Variants in EML1 observed in about 807,000 individuals in gnomAD.
EML1 encodes the protein echinoderm microtubule-associated protein-like 1.
In EML1, 27 loss-of-function variants were observed where a neutral mutation model predicts 110.4. The ratio of observed to expected loss-of-function variants is 0.24; its 90% CI spans 0.18 to 0.34. The LOEUF (loss-of-function observed/expected upper bound fraction) is 0.34, where lower values mean the gene tolerates loss of function less well. Among genes scored for constraint, EML1 ranks in the 10% least tolerant of loss-of-function variants. EML1 has a pLI of 1.00. For missense variants in EML1, 741 were observed against 1,030.9 expected (o/e 0.72, Z 3.85); for synonymous variants, 344 against 385.8 (o/e 0.89, Z 1.27).
intron 9 of EML1, among the ~76,000 whole-genome samples, chr14:99,903,164 A>C (rs1293908970): frequency 6.6e-6 from 1 of 152,248 alleles, no homozygotes; most frequent in Non-Finnish European, 1.5e-5. Flanking sequence ...TAAATAGCTC[A>C]AAAGAAAAGT....
intron 1 of EML1, among the ~76,000 whole-genome samples, chr14:99,796,909 A>ATGTGTGTG (rs369237790): frequency 2.0e-4 from 28 of 142,676 alleles, no homozygotes; most frequent in African/African-American, 7.1e-4. Context: ...TTGTGTGTGT[A>ATGTGTGTG]TGTGTGTGTG....
Position 99,874,190 on chromosome 14 carries a change from G to A in EML1, c.384-4295G>A, listed in dbSNP as rs114678970. On this transcript the variant is annotated intron_variant, in intron 3 of 21. Coordinates refer to ENST00000262233, the MANE Select transcript of EML1 (RefSeq NM_004434.3). ...TTTTCTTATGGTCACCAGTCTCCCT[G>A]CAGAAATTTTATTATGTCTAAAGTG... Among the ~76,000 whole-genome samples the A allele has an allele frequency of 3.4e-3, 513 of 152,278 alleles. 5 individuals carry two copies. Among genetic ancestry groups the A allele is most frequent in the African/African-American group, 0.012 (490 of 41,550 alleles).
chr14:99,914,706 G>A lies in EML1; in HGVS notation c.1752+9G>A, dbSNP rs1453218162. On this transcript the variant is annotated intron_variant, in intron 15 of 21. Coordinates refer to ENST00000262233, the MANE Select transcript of EML1 (RefSeq NM_004434.3). ...GGGACAAAATAATAGAGGTAAACAT[G>A]CACATTACATTTCCATTTTTCTTAC... The A allele has an allele frequency of 7.5e-6, 12 of 1,596,378 alleles. No individual in the cohort carries two copies. The highest frequency in any genetic ancestry group is 1.3e-5 in the African/African-American group (1 of 74,076).
chr14:99,873,755 G>T (rs929594926), intron 3 of EML1, among the ~76,000 whole-genome samples: 1 of 152,238 alleles, frequency 6.6e-6, no homozygotes, highest in Middle Eastern at 3.2e-3. Flanking sequence ...GACAGTGAAA[G>T]ATATGAGCAT....
intron 19 of EML1, among the ~76,000 whole-genome samples, chr14:99,937,045 T>G (rs2060486862): frequency 6.6e-6 from 1 of 152,184 alleles, no homozygotes; most frequent in South Asian, 2.1e-4. Flanking sequence ...CTTTCTGGCT[T>G]GGCCGCATGA....
chr14:99,764,525 G>T (rs1186811625), intron 1 of EML1, among the ~76,000 whole-genome samples: 1 of 152,260 alleles, frequency 6.6e-6, no homozygotes. Flanking sequence ...GATGCTGCTG[G>T]TCTCAAGAGC....
chr14:99,926,819 C>T (rs2060242746), intron 17 of EML1, among the ~76,000 whole-genome samples: 1 of 152,020 alleles, frequency 6.6e-6, no homozygotes, highest in Non-Finnish European at 1.5e-5. Flanking sequence ...TCTCAGCTCA[C>T]TGCAACCTCT....
chr14:99,888,534 G>A (rs1021613805), intron 4 of EML1, among the ~76,000 whole-genome samples: 8 of 152,240 alleles, frequency 5.3e-5, no homozygotes, highest in African/African-American at 1.9e-4. Flanking sequence ...CTTTCCTTCT[G>A]TCCTCACCTC....
intron 17 of EML1, among the ~76,000 whole-genome samples, chr14:99,935,533 C>T (rs922016965): frequency 6.6e-6 from 1 of 152,016 alleles, no homozygotes; most frequent in African/African-American, 2.4e-5. Flanking sequence ...ACCTTAATCC[C>T]AGCACTTTGG....
At chr14:99,909,751 C>T (rs1016610525) in intron 11 of EML1, among the ~76,000 whole-genome samples, 3 of 152,154 alleles carry the variant, frequency 2.0e-5, no homozygotes, top group African/African-American at 4.8e-5. Context: ...ATGAAGTCAT[C>T]GGGAGGCAGG....
chr14:99,790,240 A>T (rs2057648684), upstream of EML1, among the ~76,000 whole-genome samples: 1 of 152,218 alleles, frequency 6.6e-6, no homozygotes, highest in Admixed American at 6.5e-5. Context: ...TTTTAAATAT[A>T]TGTCTCCTTT....
intron 1 of EML1, among the ~76,000 whole-genome samples, chr14:99,800,050 C>A (rs2057846834): frequency 6.6e-6 from 1 of 152,126 alleles, no homozygotes. Context: ...CTAGTATTAG[C>A]AAAATTTTTA....
At chr14:99,746,225 G>A (rs1197979158) in intron 1 of EML1, among the ~76,000 whole-genome samples, 1 of 152,212 alleles carries the variant, frequency 6.6e-6, no homozygotes, top group Non-Finnish European at 1.5e-5. Flanking sequence ...ACTGAGACAG[G>A]TGCGCTGTCC....
At chr14:99,811,463 A>G (rs1407573371) in intron 1 of EML1, among the ~76,000 whole-genome samples, 1 of 151,798 alleles carries the variant, frequency 6.6e-6, no homozygotes, top group Non-Finnish European at 1.5e-5. Context: ...TATGTATTGT[A>G]TACTGTATTC....
At chr14:99,770,568 A>C (rs2057414923), upstream of EML1, among the ~76,000 whole-genome samples, 1 of 152,088 alleles carries the variant, frequency 6.6e-6, no homozygotes, top group African/African-American at 2.4e-5. Flanking sequence ...GGGAGGACAC[A>C]AATGTTCAGT....
At chr14:99,935,573 C>T (rs2060453203) in intron 17 of EML1, among the ~76,000 whole-genome samples, 1 of 152,000 alleles carries the variant, frequency 6.6e-6, no homozygotes, top group Admixed American at 6.6e-5. Flanking sequence ...CACGAGGTCA[C>T]GAGATCGAGA....
At chr14:99,891,155 A>AC in intron 4 of EML1, 44 bp from the exon 5 acceptor site, 1 of 1,613,624 alleles carries the variant, frequency 6.2e-7, no homozygotes, top group South Asian at 1.1e-5. Context: ...GAGATGAAAC[A>AC]CCCACAGCAC....
chr14:99,849,982 G>A (rs549336365), intron 1 of EML1: 143 of 220,652 alleles, frequency 6.5e-4, no homozygotes, highest in African/African-American at 3.3e-3. Context: ...AGGCTGGAGT[G>A]CAGTGGTGCA....
intron 2 of EML1, among the ~76,000 whole-genome samples, chr14:99,859,955 C>T (rs934778932): frequency 1.3e-5 from 2 of 152,196 alleles, no homozygotes; most frequent in Non-Finnish European, 2.9e-5. Flanking sequence ...CTAGAAACTT[C>T]GCATTGCTCA....
Sources: allele counts gnomAD v4.1 joint callset (sites outside exome capture counted in the v4.1 genomes callset), GRCh38; gene constraint gnomAD v4.1.1; transcripts MANE v1.5; gene names NCBI Gene and HGNC (gene_info 2026-07-23, HGNC 2026-07-21).